The following PDZRN4 variants were observed in gnomAD, a reference collection of about 807,000 sequenced individuals.
The protein encoded by PDZRN4 is PDZ domain-containing RING finger protein 4.
Under a neutral mutation model 99.0 loss-of-function variants are expected in PDZRN4, and 70 were observed. The ratio of observed to expected loss-of-function variants is 0.71; its 90% CI spans 0.58 to 0.86. PDZRN4 has a LOEUF of 0.86. PDZRN4 is among the 40% of genes least tolerant of loss of function. The probability of loss-of-function intolerance (pLI) is 0.00; values close to 1 mark genes in which losing one functional copy is unlikely to be tolerated. For missense variants in PDZRN4, 1,474 were observed against 1,331.2 expected, an observed-to-expected ratio of 1.11 and a Z score of -1.67; for synonymous variants, 551 against 501.6, an observed-to-expected ratio of 1.10 and a Z score of -1.32.
At position 41,188,628 on chromosome 12, in the gene PDZRN4, C is replaced by T; in HGVS notation, c.173C>T (p.Pro58Leu). 2.6e-6 allele frequency: 4 copies of T among 1,540,108 alleles called. No individual in the cohort carries two copies. The highest frequency in any genetic ancestry group is 4.9e-5 in the East Asian group (2 of 41,218). Residue 58 changes from proline (P) to leucine (L), a missense_variant, in exon 1 of 10, where the codon CCC becomes CTC. Transcript: ENST00000402685. Reference protein sequence around the residue: ...RRRRCPLQCQPLAPGELYRVL... With the variant: ...RRRRCPLQCQLLAPGELYRVL... ...CGCCGGTGCCCGCTGCAGTGCCAGC[C>T]CTTGGCGCCCGGCGAGCTGTACCGG... is the stretch of plus-strand genomic sequence containing the variant.
chr12:41,565,568 G>C (rs146133579), intron 8 of PDZRN4, among the ~76,000 whole-genome samples: 1 of 150,738 alleles, frequency 6.6e-6, no homozygotes, highest in African/African-American at 2.4e-5. Context: ...GGAAGCTTTT[G>C]TGTGCTTTTT....
chr12:41,335,212 T>C (rs1376052805), intron 3 of PDZRN4, among the ~76,000 whole-genome samples: 2 of 151,946 alleles, frequency 1.3e-5, no homozygotes, highest in Non-Finnish European at 2.9e-5. Flanking sequence ...ACTATAATAA[T>C]AATCACTATT....
chr12:41,378,788 G>A (rs1186710991), intron 3 of PDZRN4, among the ~76,000 whole-genome samples: 1 of 152,126 alleles, frequency 6.6e-6, no homozygotes, highest in Non-Finnish European at 1.5e-5. Context: ...CTCCGAAAGT[G>A]CTGGGATTAC....
At chr12:41,479,854 C>T (rs955238137) in intron 3 of PDZRN4, among the ~76,000 whole-genome samples, 2 of 152,142 alleles carry the variant, frequency 1.3e-5, no homozygotes, top group African/African-American at 2.4e-5. Flanking sequence ...ATCCTTAAAA[C>T]CACTCATTTG....
intron 3 of PDZRN4, among the ~76,000 whole-genome samples, chr12:41,465,518 T>G (rs1052196801): frequency 2.0e-5 from 3 of 152,190 alleles, no homozygotes; most frequent in Non-Finnish European, 4.4e-5. Context: ...AATGGAAAGA[T>G]TATGTATTGA....
rs112632425 is a variant in PDZRN4 at position 41,359,537 on chromosome 12, C to T, written c.844-146919C>T. Among the ~76,000 whole-genome samples, 232 of 152,060 alleles carry T rather than the reference C, an allele frequency of 1.5e-3. 1 individual carries two copies. The highest frequency in any genetic ancestry group is 5.2e-3 in the African/African-American group (216 of 41,532). On this transcript the variant is annotated intron_variant, in intron 3 of 9. Coordinates refer to ENST00000402685, the MANE Select transcript of PDZRN4 (RefSeq NM_001164595.2). ...TACAAGTGGGAATTATAATTCCCAA[C>T]TGTAATGGAATCATGGGGCGGGGGG... is the stretch of plus-strand genomic sequence containing the variant.
chr12:41,571,770 C>A (rs1592118578), intron 9 of PDZRN4, among the ~76,000 whole-genome samples: 2 of 152,152 alleles, frequency 1.3e-5, no homozygotes, highest in African/African-American at 2.4e-5. Context: ...CCACTAATAA[C>A]CTGAATCCTT....
chr12:41,270,385 T>C (rs1391424732), intron 3 of PDZRN4, among the ~76,000 whole-genome samples: 2 of 151,630 alleles, frequency 1.3e-5, no homozygotes, highest in Non-Finnish European at 2.9e-5. Flanking sequence ...AACCTGGCCA[T>C]AATTTAAGCA....
intron 3 of PDZRN4, among the ~76,000 whole-genome samples, chr12:41,257,855 G>A (rs1245675068): frequency 6.6e-6 from 1 of 152,146 alleles, no homozygotes; most frequent in Non-Finnish European, 1.5e-5. Flanking sequence ...ACAAACCACA[G>A]GTGTCTTAAA....
chr12:41,310,731 T>A (rs1424655733), intron 3 of PDZRN4, among the ~76,000 whole-genome samples: 1 of 152,260 alleles, frequency 6.6e-6, no homozygotes, highest in East Asian at 1.9e-4. Context: ...TTATTCTATT[T>A]CTAAAACACT....
At chr12:41,262,484 A>T (rs1566404479) in intron 3 of PDZRN4, among the ~76,000 whole-genome samples, 1 of 152,212 alleles carries the variant, frequency 6.6e-6, no homozygotes, top group Non-Finnish European at 1.5e-5. Flanking sequence ...GCTGGAAAAA[A>T]ATTCAGTTAT....
intron 5 of PDZRN4, among the ~76,000 whole-genome samples, chr12:41,533,452 C>T (rs1234749031): frequency 6.6e-6 from 1 of 152,144 alleles, no homozygotes; most frequent in Non-Finnish European, 1.5e-5. Flanking sequence ...GGATTACAGG[C>T]GTGAGCCACT....
At chr12:41,410,664 T>G (rs1341188261) in intron 3 of PDZRN4, among the ~76,000 whole-genome samples, 1 of 152,190 alleles carries the variant, frequency 6.6e-6, no homozygotes, top group Non-Finnish European at 1.5e-5. Context: ...AAAGAATGAT[T>G]TAATTGGGAA....
chr12:41,387,697 T>C (rs909870194), intron 3 of PDZRN4, among the ~76,000 whole-genome samples: 1 of 152,062 alleles, frequency 6.6e-6, no homozygotes, highest in African/African-American at 2.4e-5. Context: ...CACTGATCAT[T>C]AGAGAAATGC....
At chr12:41,221,581 C>T (rs1323587847) in intron 3 of PDZRN4, among the ~76,000 whole-genome samples, 2 of 151,890 alleles carry the variant, frequency 1.3e-5, no homozygotes, top group Non-Finnish European at 1.5e-5. Flanking sequence ...CAGGAAAGAA[C>T]TGGCTAGTTT....
intron 3 of PDZRN4, among the ~76,000 whole-genome samples, chr12:41,318,422 G>A (rs1275922059): frequency 1.3e-5 from 2 of 152,114 alleles, no homozygotes; most frequent in African/African-American, 4.8e-5. Flanking sequence ...GTAGAAAATT[G>A]GGAAAACAAA....
chr12:41,246,985 A>G (rs952310245), intron 3 of PDZRN4, among the ~76,000 whole-genome samples: 4 of 152,088 alleles, frequency 2.6e-5, no homozygotes, highest in Middle Eastern at 3.2e-3. Context: ...AGGAATTTCT[A>G]TGTCATTCAT....
chr12:41,382,025 G>A (rs1483469205), intron 3 of PDZRN4, among the ~76,000 whole-genome samples: 1 of 152,052 alleles, frequency 6.6e-6, no homozygotes, highest in Non-Finnish European at 1.5e-5. Context: ...CCATAGTCAG[G>A]CAGGGCTGCT....
intron 3 of PDZRN4, among the ~76,000 whole-genome samples, chr12:41,306,396 A>C (rs1434440321): frequency 1.3e-5 from 2 of 152,068 alleles, no homozygotes; most frequent in Non-Finnish European, 2.9e-5. Context: ...AAATAGTACA[A>C]ATTTGTAGCT....
Sources: allele counts gnomAD v4.1 joint callset (sites outside exome capture counted in the v4.1 genomes callset), GRCh38; gene constraint gnomAD v4.1.1; transcripts MANE v1.5; gene names NCBI Gene and HGNC (gene_info 2026-07-23, HGNC 2026-07-21).